The following ADGRE1 variants were observed in gnomAD, a reference collection of about 807,000 sequenced individuals.
ADGRE1 encodes adhesion G protein-coupled receptor E1, also known as EGF-like module receptor 1.
A neutral mutation model predicts 102.7 loss-of-function variants in ADGRE1; 82 were observed. The observed-to-expected ratio is 0.80, with a 90% CI of 0.67 to 0.96. The LOEUF (loss-of-function observed/expected upper bound fraction) is 0.96. Among genes scored for constraint, ADGRE1 ranks in the 40% least tolerant of loss-of-function variants. ADGRE1 has a pLI of 0.00. For synonymous variants in ADGRE1, 398 were observed against 399.6 expected (o/e 1.00, Z 0.05); for missense variants, 1,032 against 1,085.3 (o/e 0.95, Z 0.69).
intron 17 of ADGRE1, among the ~76,000 whole-genome samples, chr19:6,929,997 C>T (rs1318673030): frequency 1.3e-5 from 2 of 152,142 alleles, no homozygotes; most frequent in Admixed American, 6.5e-5. Context: ...TTCCTATTGG[C>T]ACAACTGCCA....
rs762391954 is a variant in ADGRE1 at position 6,921,829 on chromosome 19, C to T, written c.1737C>T (p.Cys579=). The T allele has an allele frequency of 6.2e-7, 1 of 1,614,116 alleles. No individual in the cohort carries two copies. Among genetic ancestry groups the T allele is most frequent in the Admixed American group, 1.7e-5 (1 of 60,000 alleles). Residue 579 remains cysteine, a synonymous_variant, in exon 14 of 21, where the codon TGC becomes TGT. Coordinates refer to ENST00000312053, the MANE Select transcript of ADGRE1 (RefSeq NM_001974.5). ...ILEASETYTI[C]SCNQMANLAV... is the part of the protein sequence containing the mutation. ...AAGCTTCTGAGACATATACCATCTGCAGCTGTAATCAGATGGCAAATCTTG... is the reference window on the plus strand; with the variant it reads ...AAGCTTCTGAGACATATACCATCTGTAGCTGTAATCAGATGGCAAATCTTG...
In ADGRE1 at chr19:6,916,241, C is replaced by T; in HGVS notation, c.1301-8C>T. 6.2e-7 allele frequency: 1 copy of T among 1,609,748 alleles called. No individual in the cohort carries two copies. Among genetic ancestry groups the T allele is most frequent in the Non-Finnish European group, 8.5e-7 (1 of 1,177,632 alleles). On this transcript the variant is annotated splice_polypyrimidine_tract_variant and splice_region_variant and intron_variant, in intron 11 of 20. Coordinates refer to ENST00000312053, the MANE Select transcript of ADGRE1 (RefSeq NM_001974.5). ...GACCTCATACGAACTCTCCCTTTCT[C>T]TTTTTAGACATTGAGAGCAAAGTTA...
At chr19:6,924,272 T>C (rs1485734528) in intron 14 of ADGRE1, among the ~76,000 whole-genome samples, 1 of 151,982 alleles carries the variant, frequency 6.6e-6, no homozygotes, top group African/African-American at 2.4e-5. Flanking sequence ...ACCATGAAAT[T>C]GGGGACTGGA....
Position 6,931,127 on chromosome 19 carries a change from G to A in ADGRE1, c.2289+2916G>A, listed in dbSNP as rs529001085. The stretch of plus-strand genomic sequence containing the variant: ...CTGGTAACTGCTGTTCTACTCTCTA[G>A]CTCCATGAGTTCACCTGTTTTAAAT... On this transcript the variant is annotated intron_variant, in intron 17 of 20. Coordinates refer to ENST00000312053, the MANE Select transcript of ADGRE1 (RefSeq NM_001974.5). Among the ~76,000 whole-genome samples, 29 of 148,408 alleles carry A rather than the reference G, an allele frequency of 2.0e-4. No homozygotes were observed. In the East Asian group the frequency reaches 5.0e-3, roughly 25 times the overall value.
intron 11 of ADGRE1, among the ~76,000 whole-genome samples, chr19:6,915,931 A>AC (rs756485949): frequency 0.047 from 6,950 of 149,418 alleles, 244 homozygotes; most frequent in African/African-American, 0.057. Context: ...AAAAAAAAAA[A>AC]AAAAAAAAAA....
chr19:6,923,966 G>A (rs1343275939), intron 14 of ADGRE1, among the ~76,000 whole-genome samples: 1 of 151,294 alleles, frequency 6.6e-6, no homozygotes, highest in African/African-American at 2.4e-5. Flanking sequence ...AATTAATTAT[G>A]AATAAATGGC....
At chr19:6,936,676 G>A (rs1975419161) in intron 18 of ADGRE1, among the ~76,000 whole-genome samples, 1 of 150,874 alleles carries the variant, frequency 6.6e-6, no homozygotes, top group African/African-American at 2.4e-5. Context: ...AGGCTAGAGG[G>A]CATTGGCACG....
At chr19:6,906,347 A>G in intron 8 of ADGRE1, 86 bp from the exon 9 acceptor site, 1 of 1,195,612 alleles carries the variant, frequency 8.4e-7, no homozygotes, top group Non-Finnish European at 1.2e-6. Context: ...TAAGTCGGGC[A>G]CGGGAGGACA....
chr19:6,906,798 G>A (rs570621940), intron 9 of ADGRE1, among the ~76,000 whole-genome samples: 1 of 152,266 alleles, frequency 6.6e-6, no homozygotes, highest in South Asian at 2.1e-4. Flanking sequence ...TTGTGGGAAG[G>A]GGAGAAGAGG....
chr19:6,915,920 CAA>C (rs67370670), intron 11 of ADGRE1, among the ~76,000 whole-genome samples: 10 of 59,138 alleles, frequency 1.7e-4, no homozygotes, highest in South Asian at 8.3e-4. Context: ...GACTCCGTCT[CAA>C]AAAAAAAAAA....
chr19:6,906,958 C>A (rs1258785106), intron 9 of ADGRE1, among the ~76,000 whole-genome samples: 2 of 152,174 alleles, frequency 1.3e-5, no homozygotes. Context: ...CTTGAGGATT[C>A]TCTTAATAAA....
intron 17 of ADGRE1, among the ~76,000 whole-genome samples, chr19:6,933,094 G>A (rs973011085): frequency 3.3e-5 from 5 of 152,064 alleles, no homozygotes; most frequent in East Asian, 1.9e-4. Context: ...GGTGGCCCGC[G>A]CCTGTAATCC....
Position 6,926,477 on chromosome 19 carries a change from G to A in ADGRE1, c.2098G>A (p.Val700Met), listed in dbSNP as rs770769175. 7 of 1,614,108 alleles carry A rather than the reference G, an allele frequency of 4.3e-6. No individual in the cohort carries two copies. Among genetic ancestry groups the A allele is most frequent in the Non-Finnish European group, 5.1e-6 (6 of 1,180,052 alleles). The change falls in exon 16 of 21, where the codon GTG becomes ATG. Residue 700 changes from valine (V) to methionine (M), a missense_variant. By Grantham distance (21) the Val-to-Met change is conservative. Coordinates refer to ENST00000312053, the MANE Select transcript of ADGRE1 (RefSeq NM_001974.5). ...CTTGATGGTCAGAAACCTGAAGGTG[G>A]TGAATTACTTCAGCTCTCGCAACAT... ...LFLMVRNLKV[V>M]NYFSSRNIKM...
At chr19:6,924,595 C>A in intron 14 of ADGRE1, 83 bp from the exon 15 acceptor site, 1 of 1,324,574 alleles carries the variant, frequency 7.5e-7, no homozygotes, top group Non-Finnish European at 1.1e-6. Context: ...TTTGCCCGAG[C>A]CAGGGTTTTA....
At chr19:6,932,717 C>T (rs527954986) in intron 17 of ADGRE1, among the ~76,000 whole-genome samples, 203 of 152,258 alleles carry the variant, frequency 1.3e-3, no homozygotes, top group Non-Finnish European at 2.3e-3. Flanking sequence ...TCCCTAGGGT[C>T]CCTTTCTGGC....
chr19:6,926,560 C>G lies in ADGRE1; in HGVS notation c.2181C>G (p.Ile727Met). 2 of 1,614,218 alleles carry G rather than the reference C, an allele frequency of 1.2e-6. No homozygotes were observed. The highest frequency in any genetic ancestry group is 8.5e-7 in the Non-Finnish European group (1 of 1,180,036). Residue 727 changes from isoleucine to methionine, a missense_variant, in exon 16 of 21, where the codon ATC (isoleucine) becomes ATG (methionine). Physicochemically the swap from Ile to Met is conservative, Grantham distance 10. Transcript: ENST00000312053. The part of the protein sequence containing the change: ...GYGLPMLVVV[I>M]SASVQPQGYG... ...GGCTGCCGATGCTGGTGGTGGTGAT[C>G]TCTGCCAGTGTGCAGCCACAGGGCT...
rs549703790 is a variant in ADGRE1, at chr19:6,935,593, T to C, written c.2381+515T>C. The stretch of plus-strand genomic sequence containing the variant: ...CACATTGTATTTAAGTCATACCATA[T>C]TCATGGACACTTAATTTGCTTCTAT... On this transcript the variant is annotated intron_variant, in intron 18 of 20. Coordinates refer to ENST00000312053, the MANE Select transcript of ADGRE1 (RefSeq NM_001974.5). 2.6e-5 allele frequency among the ~76,000 whole-genome samples: 4 copies of C among 152,360 alleles called. No homozygotes were observed. In the East Asian group the frequency reaches 5.8e-4, roughly 22 times the overall value.
chr19:6,938,335 C>T (rs971067793), intron 20 of ADGRE1, among the ~76,000 whole-genome samples: 5 of 102,478 alleles, frequency 4.9e-5, no homozygotes, highest in Non-Finnish European at 1.1e-4. Flanking sequence ...GAAACTCCAT[C>T]TCAAAAAAAA....
At chr19:6,902,457 T>C (rs923640931) in intron 6 of ADGRE1, among the ~76,000 whole-genome samples, 1 of 152,300 alleles carries the variant, frequency 6.6e-6, no homozygotes, top group Middle Eastern at 3.4e-3. Flanking sequence ...TGGTTTTGTT[T>C]TGAGATGGAG....
Sources: gnomAD v4.1 joint callset for allele counts (sites outside exome capture counted in the v4.1 genomes callset) on GRCh38, gnomAD v4.1.1 for gene constraint, MANE v1.5 for transcripts, NCBI Gene and HGNC (gene_info 2026-07-23, HGNC 2026-07-21) for gene names.